The following VWA8 variants were observed in gnomAD, a reference collection of about 807,000 sequenced individuals.
VWA8 encodes the protein von Willebrand factor A domain-containing protein 8.
VWA8 carries 221 observed loss-of-function variants against 241.5 expected under a neutral mutation model. The ratio of observed to expected loss-of-function variants is 0.91; its 90% CI spans 0.82 to 1.02. VWA8 has a LOEUF of 1.02. Among genes scored for constraint, VWA8 ranks in the 50% least tolerant of loss-of-function variants. The pLI, the probability that VWA8 is intolerant of heterozygous loss-of-function variation, is 0.00. For missense variants in VWA8, 2,322 were observed against 2,328.7 expected, an observed-to-expected ratio of 1.00 and a Z score of 0.06; for synonymous variants, 852 against 827.1, an observed-to-expected ratio of 1.03 and a Z score of -0.52.
chr13:41,815,898 C>T (rs1226707349), intron 16 of VWA8, among the ~76,000 whole-genome samples: 1 of 152,124 alleles, frequency 6.6e-6, no homozygotes, highest in Non-Finnish European at 1.5e-5. Context: ...GATGAGACAT[C>T]AAGATGCTTA....
chr13:41,728,060 T>G (rs1286650741), intron 23 of VWA8, among the ~76,000 whole-genome samples: 1 of 152,140 alleles, frequency 6.6e-6, no homozygotes, highest in Non-Finnish European at 1.5e-5. Context: ...TGAATTTATT[T>G]AAACCCCACC....
chr13:41,747,820 T>A (rs1009449172), intron 21 of VWA8, among the ~76,000 whole-genome samples: 1 of 152,216 alleles, frequency 6.6e-6, no homozygotes, highest in African/African-American at 2.4e-5. Flanking sequence ...GTTGTTGAAT[T>A]TTGTCAAAGG....
chr13:41,613,414 A>G (rs1348006631), intron 38 of VWA8, among the ~76,000 whole-genome samples: 4 of 152,232 alleles, frequency 2.6e-5, no homozygotes, highest in Non-Finnish European at 5.9e-5. Flanking sequence ...AATGAGCTAT[A>G]GGAGGAAAAG....
chr13:41,708,649 T>C (rs1287979946), intron 26 of VWA8, among the ~76,000 whole-genome samples: 1 of 152,176 alleles, frequency 6.6e-6, no homozygotes, highest in East Asian at 1.9e-4. Context: ...TTCCACTTCA[T>C]AACTTAGACT....
At chr13:41,889,294 T>C (rs767812370) in intron 5 of VWA8, among the ~76,000 whole-genome samples, 1 of 152,122 alleles carries the variant, frequency 6.6e-6, no homozygotes, top group Non-Finnish European at 1.5e-5. Flanking sequence ...CGATAAAAAC[T>C]TATGTGTTTA....
At chr13:41,742,769 A>G (rs2045578154) in intron 21 of VWA8, among the ~76,000 whole-genome samples, 1 of 152,186 alleles carries the variant, frequency 6.6e-6, no homozygotes, top group Non-Finnish European at 1.5e-5. Context: ...GAACTCACAA[A>G]CACATGAGAT....
intron 9 of VWA8, among the ~76,000 whole-genome samples, chr13:41,882,769 G>A (rs1166350851): frequency 3.3e-5 from 5 of 152,270 alleles, no homozygotes; most frequent in Non-Finnish European, 5.9e-5. Flanking sequence ...GTCCAGCTTC[G>A]GCTGGGCATC....
intron 37 of VWA8, among the ~76,000 whole-genome samples, chr13:41,648,156 G>A (rs546348588): frequency 2.0e-3 from 297 of 152,294 alleles, no homozygotes; most frequent in African/African-American, 6.3e-3. Flanking sequence ...GGTGTCGGTA[G>A]TCCCCTCAGT....
chr13:41,898,471 A>C (rs1204676502), intron 4 of VWA8, among the ~76,000 whole-genome samples: 2 of 152,188 alleles, frequency 1.3e-5, no homozygotes, highest in African/African-American at 4.8e-5. Flanking sequence ...GCTAGACATA[A>C]AGACTCTCCA....
intron 1 of VWA8, among the ~76,000 whole-genome samples, chr13:41,950,825 C>A (rs891704781): frequency 2.0e-5 from 3 of 151,750 alleles, no homozygotes; most frequent in Admixed American, 6.6e-5. Flanking sequence ...TGTGCCACCA[C>A]ATCTGGCTAA....
At chr13:41,811,199 C>T (rs767194025) in intron 17 of VWA8, 26 bp downstream of exon 17, 39 of 1,567,594 alleles carry the variant, frequency 2.5e-5, no homozygotes, top group East Asian at 2.3e-5. Context: ...CAGAAACTTA[C>T]ACGCAGTGAG....
At chr13:41,718,595 T>G (rs925754355) in intron 26 of VWA8, among the ~76,000 whole-genome samples, 4 of 151,848 alleles carry the variant, frequency 2.6e-5, no homozygotes, top group Non-Finnish European at 5.9e-5. Flanking sequence ...TTTTAGAAAT[T>G]CCTGATACTT....
At chr13:41,632,349 G>A (rs2044731912) in intron 37 of VWA8, among the ~76,000 whole-genome samples, 1 of 152,114 alleles carries the variant, frequency 6.6e-6, no homozygotes, top group South Asian at 2.1e-4. Flanking sequence ...GAGGTGTTAA[G>A]GGTACCGGGA....
intron 14 of VWA8, among the ~76,000 whole-genome samples, chr13:41,826,082 CAT>C (rs1871159419): frequency 6.6e-6 from 1 of 152,084 alleles, no homozygotes; most frequent in Admixed American, 6.5e-5. Context: ...TAAAAAAGAA[CAT>C]ATTTATTTTC....
intron 17 of VWA8, among the ~76,000 whole-genome samples, chr13:41,799,440 A>G (rs1447330546): frequency 6.6e-6 from 1 of 152,176 alleles, no homozygotes; most frequent in Non-Finnish European, 1.5e-5. Context: ...TTGATTCCTC[A>G]TGGTGACAGT....
At chr13:41,573,289 G>A (rs1036875113) in intron 43 of VWA8, among the ~76,000 whole-genome samples, 6 of 149,926 alleles carry the variant, frequency 4.0e-5, no homozygotes, top group African/African-American at 4.9e-5. Context: ...ATGGTGGTGC[G>A]TGCCTGTGGT....
intron 44 of VWA8, among the ~76,000 whole-genome samples, chr13:41,569,833 C>G (rs1329008121): frequency 6.6e-6 from 1 of 152,102 alleles, no homozygotes. Context: ...ATTGTCTGAT[C>G]ATAAGATTCT....
Position 41,615,147 on chromosome 13 carries a change from G to GA in VWA8, c.4612-64dup, listed in dbSNP as rs201769332. The GA allele has an allele frequency of 6.3e-4, 951 of 1,515,344 alleles. 1 individual carries two copies. The highest frequency in any genetic ancestry group is 3.0e-3 in the Middle Eastern group (16 of 5,308). 93.9% of individuals were successfully genotyped at this position (1,515,344 alleles called of 1,614,324 possible). A position where few individuals can be genotyped will look rare whatever the true frequency, so the allele number is the denominator to read the frequency against. On this transcript the variant is annotated intron_variant, in intron 37 of 44. Coordinates refer to ENST00000379310, the MANE Select transcript of VWA8 (RefSeq NM_015058.2). ...GACAAACACCAGGGACTGCATGACA[G>GA]AAAAAAAAATTATTTTCTCCTAAGT...
rs888626105 is a variant in VWA8 at position 41,897,114 on chromosome 13, T to C, written c.484-5527A>G. On this transcript the variant is annotated intron_variant, in intron 4 of 44. Transcript: ENST00000379310. ...TACCTGTGAAAAGGCCCACAATATG[T>C]TGTTTACTCAAAAAGCTATAACTCC... Among the ~76,000 whole-genome samples, 4 of 152,312 alleles carry C rather than the reference T, an allele frequency of 2.6e-5. 1 individual carries two copies.
Sources: allele counts gnomAD v4.1 joint callset (sites outside exome capture counted in the v4.1 genomes callset), GRCh38; gene constraint gnomAD v4.1.1; transcripts MANE v1.5; gene names NCBI Gene and HGNC (gene_info 2026-07-23, HGNC 2026-07-21).